The following MAML2 variants were observed in gnomAD, a reference collection of about 807,000 sequenced individuals.
MAML2 encodes mastermind-like protein 2.
A neutral mutation model predicts 96.1 loss-of-function variants in MAML2; 22 were observed. The ratio of observed to expected loss-of-function variants is 0.23; its 90% confidence interval spans 0.16 to 0.33. MAML2 has a LOEUF of 0.33. Ranked by LOEUF, MAML2 falls within the 10% of genes least tolerant of loss-of-function variation. The pLI is 1.00. For missense variants in MAML2, 1,367 were observed against 1,392.4 expected (o/e 0.98, Z 0.29); for synonymous variants, 561 against 521.3 (o/e 1.08, Z -1.04).
intron 2 of MAML2, among the ~76,000 whole-genome samples, chr11:96,027,080 T>C (rs903489605): frequency 6.6e-6 from 1 of 152,180 alleles, no homozygotes; most frequent in Admixed American, 6.6e-5. Context: ...CTCTGGAGTT[T>C]CTAGCTAAGG....
chr11:96,061,274 G>A (rs1439503758), intron 2 of MAML2, among the ~76,000 whole-genome samples: 1 of 152,128 alleles, frequency 6.6e-6, no homozygotes, highest in Non-Finnish European at 1.5e-5. Context: ...AGTCTGCTTG[G>A]ATTATTCTTC....
chr11:96,045,135 C>G (rs924150214), intron 2 of MAML2, among the ~76,000 whole-genome samples: 3 of 152,122 alleles, frequency 2.0e-5, no homozygotes, highest in African/African-American at 7.2e-5. Context: ...GAAGAGCAGC[C>G]TTTTTCTAAT....
intron 2 of MAML2, among the ~76,000 whole-genome samples, chr11:95,999,917 T>C (rs1858055608): frequency 6.6e-6 from 1 of 152,208 alleles, no homozygotes; most frequent in Non-Finnish European, 1.5e-5. Context: ...TTTTTGTCTT[T>C]CTTTCCCTGT....
At chr11:96,006,535 A>T (rs1439525496) in intron 2 of MAML2, among the ~76,000 whole-genome samples, 3 of 151,478 alleles carry the variant, frequency 2.0e-5, no homozygotes, top group African/African-American at 2.4e-5. Context: ...TTCTATTGGG[A>T]AATAAGATTG....
At chr11:96,219,385 T>C (rs1417561848) in intron 1 of MAML2, among the ~76,000 whole-genome samples, 1 of 152,232 alleles carries the variant, frequency 6.6e-6, no homozygotes, top group Non-Finnish European at 1.5e-5. Flanking sequence ...ATGAGTTCTT[T>C]GCCACCTCAA....
intron 1 of MAML2, among the ~76,000 whole-genome samples, chr11:96,298,932 C>G (rs1288778529): frequency 2.5e-4 from 37 of 145,820 alleles, no homozygotes; most frequent in African/African-American, 8.7e-4. Flanking sequence ...GTAGTCCCAG[C>G]TACTCGGGAG....
intron 1 of MAML2, among the ~76,000 whole-genome samples, chr11:96,221,487 C>G (rs1795921621): frequency 6.6e-6 from 1 of 151,982 alleles, no homozygotes; most frequent in African/African-American, 2.4e-5. Context: ...CAGGCTATAC[C>G]CGAGGTTAGA....
intron 1 of MAML2, among the ~76,000 whole-genome samples, chr11:96,301,570 T>G (rs1863387998): frequency 6.6e-6 from 1 of 152,258 alleles, no homozygotes; most frequent in African/African-American, 2.4e-5. Context: ...ACCCTGTAGA[T>G]GGCCATGACT....
chr11:96,069,984 A>G (rs551688542), intron 2 of MAML2, among the ~76,000 whole-genome samples: 29 of 151,984 alleles, frequency 1.9e-4, no homozygotes, highest in African/African-American at 6.8e-4. Context: ...AGATCACGCC[A>G]CTGTACTCCA....
chr11:95,991,845 A>G lies in MAML2; in HGVS notation c.2140-122T>C, dbSNP rs1374893866. 6.7e-6 allele frequency: 5 copies of G among 741,430 alleles called. No homozygotes were observed. The Admixed American group carries it at 7.7e-5, about 11-fold the overall frequency. The allele number at this position is 741,430 out of a possible 1,614,324, so 45.9% of individuals were successfully genotyped here. On this transcript the variant is annotated intron_variant, in intron 2 of 4. Coordinates refer to ENST00000524717, the MANE Select transcript of MAML2 (RefSeq NM_032427.4). ...CTTATTAAAGATCAAACATGGTTAA[A>G]TGGGTTGGAGATCAGAGAATCGCTT...
At chr11:96,299,060 AATATATAT>A (rs1555037073) in intron 1 of MAML2, among the ~76,000 whole-genome samples, 8 of 56,342 alleles carry the variant, frequency 1.4e-4, no homozygotes, top group African/African-American at 6.3e-4. Context: ...AAAAAAAAAA[AATATATAT>A]ATATATATAT....
intron 1 of MAML2, among the ~76,000 whole-genome samples, chr11:96,169,753 C>T (rs1305585624): frequency 3.3e-5 from 5 of 151,144 alleles, no homozygotes; most frequent in Non-Finnish European, 7.4e-5. Flanking sequence ...CTCCCAGGTT[C>T]AAGCGATTCT....
At chr11:96,083,638 G>A (rs1307359519) in intron 2 of MAML2, among the ~76,000 whole-genome samples, 2 of 152,170 alleles carry the variant, frequency 1.3e-5, no homozygotes, top group Admixed American at 1.3e-4. Context: ...GTTGGGGGAG[G>A]GGATGGGCTC....
intron 1 of MAML2, among the ~76,000 whole-genome samples, chr11:96,184,455 T>G (rs1399185084): frequency 2.0e-5 from 3 of 150,274 alleles, no homozygotes; most frequent in Non-Finnish European, 4.4e-5. Flanking sequence ...AATAAATAAA[T>G]AAATAAATAA....
intron 1 of MAML2, among the ~76,000 whole-genome samples, chr11:96,202,333 A>G (rs1354970998): frequency 1.4e-5 from 2 of 146,156 alleles, no homozygotes; most frequent in East Asian, 4.0e-4. Flanking sequence ...CCTGGGTGAC[A>G]GAGCAAGACT....
chr11:96,143,824 G>A (rs1385520498), intron 1 of MAML2, among the ~76,000 whole-genome samples: 1 of 152,184 alleles, frequency 6.6e-6, no homozygotes, highest in Non-Finnish European at 1.5e-5. Flanking sequence ...TACTTGAACT[G>A]GATTTCATGG....
intron 1 of MAML2, among the ~76,000 whole-genome samples, chr11:96,113,146 AAC>A (rs1860160207): frequency 6.7e-6 from 1 of 149,006 alleles, no homozygotes; most frequent in South Asian, 2.1e-4. Flanking sequence ...AGGAAAATAG[AAC>A]CCAATAGAAA....
chr11:96,183,383 C>T (rs1394848062), intron 1 of MAML2, among the ~76,000 whole-genome samples: 1 of 139,026 alleles, frequency 7.2e-6, no homozygotes, highest in African/African-American at 2.8e-5. Context: ...TCCTTCCCTT[C>T]CTCCGTTCCT....
At chr11:96,146,637 C>T (rs968065568) in intron 1 of MAML2, among the ~76,000 whole-genome samples, 1 of 152,124 alleles carries the variant, frequency 6.6e-6, no homozygotes, top group African/African-American at 2.4e-5. Context: ...CAAATACTTG[C>T]CATGAGATAG....
Sources: allele counts gnomAD v4.1 joint callset (sites outside exome capture counted in the v4.1 genomes callset), GRCh38; gene constraint gnomAD v4.1.1; transcripts MANE v1.5; gene names NCBI Gene and HGNC (gene_info 2026-07-23, HGNC 2026-07-21).